Variants in B3GLCT observed in about 807,000 individuals in gnomAD.
B3GLCT encodes the protein beta-1,3-glucosyltransferase.
A neutral mutation model predicts 63.4 loss-of-function variants in B3GLCT; 65 were observed. The observed-to-expected ratio is 1.03, with a 90% CI of 0.84 to 1.26. B3GLCT has a LOEUF of 1.26. Ranked by LOEUF, B3GLCT falls within the 50% of genes most tolerant of loss-of-function variation. The pLI, the probability that B3GLCT is intolerant of heterozygous loss-of-function variation, is 0.00. For synonymous variants in B3GLCT, 233 were observed against 219.2 expected (o/e 1.06, Z -0.55); for missense variants, 577 against 604.8 (o/e 0.95, Z 0.48).
At chr13:31,206,101 G>T (rs1868935584) in intron 1 of B3GLCT, among the ~76,000 whole-genome samples, 1 of 152,182 alleles carries the variant, frequency 6.6e-6, no homozygotes, top group South Asian at 2.1e-4. Flanking sequence ...GGAGGAGCTT[G>T]TTTTTCGTTT....
At chr13:31,229,069 C>T (rs1870239671) in intron 3 of B3GLCT, 116 bp from the exon 4 acceptor site, 5 of 693,960 alleles carry the variant, frequency 7.2e-6, no homozygotes, top group Non-Finnish European at 1.3e-5. Flanking sequence ...GATTTTTTCC[C>T]ATTAAGAGTT....
intron 12 of B3GLCT, among the ~76,000 whole-genome samples, chr13:31,294,028 C>T (rs1023778386): frequency 2.0e-5 from 3 of 152,236 alleles, no homozygotes; most frequent in African/African-American, 7.2e-5. Context: ...TCAGCATTTG[C>T]TTGTTTGTAA....
In B3GLCT at chr13:31,329,505, G is replaced by T; in HGVS notation, c.1334G>T (p.Arg445Leu). 2.5e-6 allele frequency: 4 copies of T among 1,614,080 alleles called. No homozygotes were observed. Among genetic ancestry groups the T allele is most frequent in the Non-Finnish European group, 2.5e-6 (3 of 1,180,026 alleles). Residue 445 changes from arginine to leucine, a missense_variant, in exon 15 of 15, where the codon CGG becomes CTG. By Grantham distance (102) the Arg-to-Leu change is moderately radical. Transcript: ENST00000343307. ...AACTCTCTATTTTTCCTGCAGGCTC[G>T]GCCGGTGGATTACCCTAAGGACTAC... is the stretch of plus-strand genomic sequence containing the variant. ...VTHSPLFHQA[R>L]PVDYPKDYLS... is the part of the protein sequence containing the mutation.
At chr13:31,299,453 G>A (rs937795207) in intron 12 of B3GLCT, among the ~76,000 whole-genome samples, 2 of 152,114 alleles carry the variant, frequency 1.3e-5, no homozygotes, top group Non-Finnish European at 2.9e-5. Flanking sequence ...CCATGCCAGA[G>A]TCATTGTCTA....
chr13:31,229,747 TC>T (rs1870282756), intron 4 of B3GLCT, among the ~76,000 whole-genome samples: 1 of 145,866 alleles, frequency 6.9e-6, no homozygotes, highest in Admixed American at 6.9e-5. Context: ...CTCCTCTGTC[TC>T]AAAAAAAAAA....
intron 12 of B3GLCT, among the ~76,000 whole-genome samples, chr13:31,290,711 G>T (rs923488410): frequency 1.1e-4 from 17 of 151,924 alleles, no homozygotes; most frequent in African/African-American, 4.1e-4. Context: ...GGGGTTGTTT[G>T]TATTTTTCTT....
intron 1 of B3GLCT, among the ~76,000 whole-genome samples, chr13:31,202,868 T>C (rs549088663): frequency 2.0e-5 from 3 of 152,288 alleles, no homozygotes; most frequent in East Asian, 1.9e-4. Context: ...AAGAGAAAGA[T>C]AGAAGAAGCC....
chr13:31,273,947 C>A (rs2137856137), intron 8 of B3GLCT, among the ~76,000 whole-genome samples: 1 of 152,294 alleles, frequency 6.6e-6, no homozygotes, highest in African/African-American at 2.4e-5. Context: ...AGACTTCAGT[C>A]TCTTCACTCC....
intron 1 of B3GLCT, among the ~76,000 whole-genome samples, chr13:31,212,389 C>T (rs1259071527): frequency 1.3e-5 from 2 of 151,572 alleles, no homozygotes; most frequent in African/African-American, 4.9e-5. Flanking sequence ...ATTCTCCTGC[C>T]TCAGCCTCCC....
chr13:31,251,938 A>G (rs1226707212), intron 6 of B3GLCT, among the ~76,000 whole-genome samples: 2 of 152,084 alleles, frequency 1.3e-5, no homozygotes, highest in Non-Finnish European at 2.9e-5. Flanking sequence ...GGTTGAAATG[A>G]AGGAAAAAAA....
chr13:31,238,009 T>C (rs1393820535), intron 4 of B3GLCT, among the ~76,000 whole-genome samples: 1 of 152,228 alleles, frequency 6.6e-6, no homozygotes, highest in East Asian at 1.9e-4. Flanking sequence ...ATTTATCTGA[T>C]AGCTCAAAAT....
intron 12 of B3GLCT, among the ~76,000 whole-genome samples, chr13:31,302,091 T>C (rs1435816828): frequency 6.6e-6 from 1 of 152,198 alleles, no homozygotes; most frequent in Non-Finnish European, 1.5e-5. Flanking sequence ...CCTTCATCAT[T>C]TTCTTGTTAA....
chr13:31,311,460 G>A (rs1257090374), intron 12 of B3GLCT: 3 of 152,272 alleles, frequency 2.0e-5, no homozygotes, highest in Non-Finnish European at 4.4e-5. Context: ...CCTAGAACTT[G>A]CTTTCCTGAG....
intron 6 of B3GLCT, among the ~76,000 whole-genome samples, chr13:31,249,853 A>G (rs1337533636): frequency 6.6e-6 from 1 of 152,246 alleles, no homozygotes; most frequent in African/African-American, 2.4e-5. Context: ...GGAAAAAAGT[A>G]TAAAGCAAAC....
intron 4 of B3GLCT, among the ~76,000 whole-genome samples, chr13:31,243,123 A>G (rs535459713): frequency 6.6e-6 from 1 of 152,344 alleles, no homozygotes; most frequent in South Asian, 2.1e-4. Context: ...AGTGCCTCAG[A>G]ATGATGTAAT....
intron 6 of B3GLCT, among the ~76,000 whole-genome samples, chr13:31,253,684 A>G (rs1485039211): frequency 1.3e-5 from 2 of 151,740 alleles, no homozygotes; most frequent in East Asian, 3.9e-4. Context: ...CTAAGATCAG[A>G]GCAGAACTGA....
intron 1 of B3GLCT, among the ~76,000 whole-genome samples, chr13:31,203,428 A>G (rs9805862): frequency 0.25 from 37,936 of 151,864 alleles, 5,013 homozygotes; most frequent in East Asian, 0.41. Context: ...AGGGAGGGAG[A>G]GCATCTGTTT....
At chr13:31,206,157 T>C (rs553735648) in intron 1 of B3GLCT, among the ~76,000 whole-genome samples, 11 of 152,344 alleles carry the variant, frequency 7.2e-5, no homozygotes, top group African/African-American at 2.6e-4. Context: ...CAGCCCGTTG[T>C]GAAAATAGCC....
At chr13:31,313,327 G>T (rs777112940) in intron 12 of B3GLCT, among the ~76,000 whole-genome samples, 1 of 152,208 alleles carries the variant, frequency 6.6e-6, no homozygotes, top group African/African-American at 2.4e-5. Flanking sequence ...GGGAAAGTTT[G>T]GAACTTTAGC....
Sources: allele counts gnomAD v4.1 joint callset (sites outside exome capture counted in the v4.1 genomes callset), GRCh38; gene constraint gnomAD v4.1.1; transcripts MANE v1.5; gene names NCBI Gene and HGNC (gene_info 2026-07-23, HGNC 2026-07-21).